Variants in ADGRL2 observed in about 807,000 individuals in gnomAD.
ADGRL2 encodes the protein calcium-independent alpha-latrotoxin receptor 2.
ADGRL2 carries 44 observed loss-of-function variants against 157.4 expected under a neutral mutation model. The ratio of observed to expected loss-of-function variants is 0.28; its 90% confidence interval spans 0.22 to 0.36. ADGRL2 has a LOEUF of 0.36. ADGRL2 is among the 10% of genes least tolerant of loss of function. ADGRL2 has a pLI of 1.00. For missense variants in ADGRL2, 1,510 were observed against 1,768.9 expected, an observed-to-expected ratio of 0.85 and a Z score of 2.63; for synonymous variants, 585 against 624.7, an observed-to-expected ratio of 0.94 and a Z score of 0.95.
chr1:81,560,659 G>C (rs912874383), intron 2 of ADGRL2, among the ~76,000 whole-genome samples: 18 of 151,816 alleles, frequency 1.2e-4, no homozygotes, highest in Non-Finnish European at 2.1e-4. Context: ...ATCAAGATGT[G>C]TTAGATAAGT....
At chr1:81,368,444 C>A (rs905279347) in intron 1 of ADGRL2, among the ~76,000 whole-genome samples, 3 of 152,294 alleles carry the variant, frequency 2.0e-5, no homozygotes, top group Middle Eastern at 3.4e-3. Context: ...AAAGTGTTAG[C>A]TATCTCTACC....
chr1:81,347,714 G>A (rs113681955), intron 1 of ADGRL2, among the ~76,000 whole-genome samples: 4,279 of 152,200 alleles, frequency 0.028, 196 homozygotes, highest in African/African-American at 0.096. Context: ...TTGTTTTAAA[G>A]AAAATACTAA....
At chr1:81,512,287 T>A (rs1005002910) in intron 2 of ADGRL2, among the ~76,000 whole-genome samples, 5 of 152,216 alleles carry the variant, frequency 3.3e-5, no homozygotes, top group Non-Finnish European at 7.3e-5. Flanking sequence ...TGATGCAAAT[T>A]GCTTTATTGG....
intron 2 of ADGRL2, among the ~76,000 whole-genome samples, chr1:81,878,649 T>A (rs951321488): frequency 2.0e-5 from 3 of 152,134 alleles, no homozygotes; most frequent in African/African-American, 7.2e-5. Context: ...AATATTATAG[T>A]GCCAGAGAGA....
chr1:81,708,090 CT>C (rs2083799206), intron 1 of ADGRL2, among the ~76,000 whole-genome samples: 1 of 152,062 alleles, frequency 6.6e-6, no homozygotes, highest in African/African-American at 2.4e-5. Context: ...TTTTTGCAAA[CT>C]TTTTATTTTT....
intron 1 of ADGRL2, among the ~76,000 whole-genome samples, chr1:81,804,656 G>A (rs1475615762): frequency 6.6e-6 from 1 of 152,192 alleles, no homozygotes. Context: ...ATTGATAAAT[G>A]GTTTGTTCCT....
At chr1:81,726,606 T>G (rs987739489) in intron 1 of ADGRL2, among the ~76,000 whole-genome samples, 1 of 152,138 alleles carries the variant, frequency 6.6e-6, no homozygotes, top group Non-Finnish European at 1.5e-5. Context: ...AGAAAAGGTT[T>G]TGGGAGAAGG....
intron 2 of ADGRL2, among the ~76,000 whole-genome samples, chr1:81,552,340 T>G (rs1570472789): frequency 6.6e-6 from 1 of 152,126 alleles, no homozygotes; most frequent in East Asian, 1.9e-4. Context: ...AGATATATTT[T>G]CATCTGGGAT....
At chr1:81,596,169 G>T in intron 3 of ADGRL2, 3 of 495,056 alleles carry the variant, frequency 6.1e-6, no homozygotes, top group South Asian at 5.0e-5. Context: ...CCGCAATGGT[G>T]ACTTCCACTT....
At chr1:81,462,218 T>C (rs1425612502) in intron 2 of ADGRL2, among the ~76,000 whole-genome samples, 1 of 152,212 alleles carries the variant, frequency 6.6e-6, no homozygotes, top group East Asian at 1.9e-4. Flanking sequence ...ATCAGCACTC[T>C]GTAAAATGAA....
intron 3 of ADGRL2, among the ~76,000 whole-genome samples, chr1:81,658,239 G>T (rs1010265412): frequency 5.3e-5 from 8 of 152,056 alleles, no homozygotes; most frequent in African/African-American, 1.7e-4. Flanking sequence ...GGGATTATAG[G>T]CACGTGCCAC....
At chr1:81,419,697 C>T (rs1422219844) in intron 1 of ADGRL2, among the ~76,000 whole-genome samples, 5 of 152,140 alleles carry the variant, frequency 3.3e-5, no homozygotes, top group Non-Finnish European at 7.3e-5. Flanking sequence ...ATGGACAATG[C>T]TTCAGAAAAT....
chr1:81,329,331 A>G (rs1358653763), intron 1 of ADGRL2, among the ~76,000 whole-genome samples: 1 of 152,008 alleles, frequency 6.6e-6, no homozygotes, highest in East Asian at 1.9e-4. Flanking sequence ...ATGTCTCATT[A>G]TCCACCCCTA....
intron 22 of ADGRL2, 94 bp downstream of exon 22, chr1:81,987,123 T>C: frequency 1.4e-6 from 2 of 1,460,836 alleles, no homozygotes; most frequent in Admixed American, 2.3e-5. Context: ...TTGTCATATA[T>C]TTATTGTTAC....
intron 2 of ADGRL2, among the ~76,000 whole-genome samples, chr1:81,492,156 G>C (rs2078646627): frequency 6.6e-6 from 1 of 152,138 alleles, no homozygotes; most frequent in African/African-American, 2.4e-5. Context: ...CCCATCTCCA[G>C]TAATGTTTCT....
At chr1:81,368,572 T>A (rs1481022133) in intron 1 of ADGRL2, among the ~76,000 whole-genome samples, 1 of 152,216 alleles carries the variant, frequency 6.6e-6, no homozygotes. Flanking sequence ...AATCTATTGT[T>A]GAGAATCTTT....
intron 1 of ADGRL2, among the ~76,000 whole-genome samples, chr1:81,418,346 G>C (rs928088985): frequency 2.6e-5 from 4 of 152,316 alleles, no homozygotes; most frequent in Admixed American, 1.3e-4. Context: ...CCACTTTTCT[G>C]TGGTGGCATT....
intron 2 of ADGRL2, among the ~76,000 whole-genome samples, chr1:81,773,103 T>C (rs1352223270): frequency 2.0e-5 from 3 of 152,186 alleles, no homozygotes; most frequent in Admixed American, 2.0e-4. Context: ...AGTCTGTCCC[T>C]ATAATTTTTT....
intron 2 of ADGRL2, among the ~76,000 whole-genome samples, chr1:81,459,777 T>C (rs1006633362): frequency 1.4e-5 from 1 of 72,306 alleles, no homozygotes; most frequent in Non-Finnish European, 3.5e-5. Flanking sequence ...TTAGTGTGTG[T>C]ATGTGTGTGT....
Sources: allele counts gnomAD v4.1 joint callset (sites outside exome capture counted in the v4.1 genomes callset), GRCh38; gene constraint gnomAD v4.1.1; transcripts MANE v1.5; gene names NCBI Gene and HGNC (gene_info 2026-07-23, HGNC 2026-07-21).